The following CABIN1 variants were observed in gnomAD, a reference collection of about 807,000 sequenced individuals.
The protein encoded by CABIN1 is calcineurin-binding protein cabin-1.
Under a neutral mutation model 227.7 loss-of-function variants are expected in CABIN1, and 133 were observed. The observed-to-expected ratio is 0.58, with a 90% CI of 0.51 to 0.67. The LOEUF (loss-of-function observed/expected upper bound fraction) is 0.67. Ranked by LOEUF, CABIN1 falls within the 30% of genes least tolerant of loss-of-function variation. CABIN1 has a pLI of 0.00. For synonymous variants in CABIN1, 1,086 were observed against 1,155.1 expected (o/e 0.94, Z 1.21); for missense variants, 2,408 against 2,852.5 (o/e 0.84, Z 3.55).
At chr22:24,116,993 C>T (rs969698829) in intron 27 of CABIN1, among the ~76,000 whole-genome samples, 1 of 152,326 alleles carries the variant, frequency 6.6e-6, no homozygotes, top group East Asian at 1.9e-4. Flanking sequence ...CATCTTCACG[C>T]AGCTAGGGTT....
chr22:24,053,715 C>G (rs762376082), intron 8 of CABIN1, among the ~76,000 whole-genome samples: 4 of 152,084 alleles, frequency 2.6e-5, no homozygotes, highest in Non-Finnish European at 5.9e-5. Flanking sequence ...TCAACACTTC[C>G]TGGATGCTGG....
At chr22:24,046,006 C>T in intron 6 of CABIN1, among the ~76,000 whole-genome samples, 1 of 152,224 alleles carries the variant, frequency 6.6e-6, no homozygotes, top group Admixed American at 6.5e-5. Flanking sequence ...CCCCAGAAGG[C>T]AGGTTACTTT....
intron 15 of CABIN1, among the ~76,000 whole-genome samples, chr22:24,064,966 T>A (rs1335187702): frequency 6.6e-6 from 1 of 152,248 alleles, no homozygotes; most frequent in East Asian, 1.9e-4. Flanking sequence ...TTTCCCCACC[T>A]TTCCCCCTTT....
At chr22:24,127,015 G>A (rs1467374014) in intron 28 of CABIN1, among the ~76,000 whole-genome samples, 5 of 148,648 alleles carry the variant, frequency 3.4e-5, no homozygotes, top group Non-Finnish European at 7.4e-5. Context: ...AAAAAAAAAA[G>A]CTAAACTAAA....
chr22:24,018,081 C>A (rs888606509), intron 1 of CABIN1, among the ~76,000 whole-genome samples: 3 of 152,054 alleles, frequency 2.0e-5, no homozygotes, highest in Non-Finnish European at 4.4e-5. Context: ...TTTTGAACTC[C>A]TGGCCTCAAG....
At chr22:24,110,125 C>T (rs1313256056) in intron 26 of CABIN1, among the ~76,000 whole-genome samples, 4 of 152,152 alleles carry the variant, frequency 2.6e-5, no homozygotes, top group Non-Finnish European at 5.9e-5. Flanking sequence ...GAGCCAAGAT[C>T]GTGCAATTGC....
chr22:24,093,334 T>C (rs757871190), intron 24 of CABIN1, among the ~76,000 whole-genome samples: 6 of 152,082 alleles, frequency 3.9e-5, no homozygotes, highest in Non-Finnish European at 7.4e-5. Flanking sequence ...GTGGATCACC[T>C]GAGGTCAGGA....
chr22:24,121,591 T>C (rs1178997541), intron 28 of CABIN1, among the ~76,000 whole-genome samples: 1 of 152,220 alleles, frequency 6.6e-6, no homozygotes, highest in Non-Finnish European at 1.5e-5. Flanking sequence ...TGGGTCTTAA[T>C]AAACCCCAAC....
At chr22:24,159,157 G>A (rs1002335835) in intron 29 of CABIN1, among the ~76,000 whole-genome samples, 3 of 152,192 alleles carry the variant, frequency 2.0e-5, no homozygotes, top group African/African-American at 7.2e-5. Flanking sequence ...CTGCTCAAAG[G>A]CCTTGAGGTA....
chr22:24,029,104 A>C (rs1162560093), intron 1 of CABIN1, among the ~76,000 whole-genome samples: 1 of 152,224 alleles, frequency 6.6e-6, no homozygotes, highest in Non-Finnish European at 1.5e-5. Context: ...TACCTATAAC[A>C]GCACTTTGGG....
At chr22:24,064,396 G>A (rs1442057672) in intron 15 of CABIN1, among the ~76,000 whole-genome samples, 2 of 152,032 alleles carry the variant, frequency 1.3e-5, no homozygotes, top group African/African-American at 2.4e-5. Flanking sequence ...TAGTAGAGAC[G>A]GGGTTTCACC....
chr22:24,167,431 T>A, intron 32 of CABIN1, 118 bp downstream of exon 32: 1 of 808,224 alleles, frequency 1.2e-6, no homozygotes, highest in Non-Finnish European at 2.0e-6. Context: ...TAGGTGTTGT[T>A]CCCACACCAT....
chr22:24,154,339 C>T (rs1440747246), intron 29 of CABIN1, among the ~76,000 whole-genome samples: 4 of 152,228 alleles, frequency 2.6e-5, no homozygotes, highest in Non-Finnish European at 5.9e-5. Context: ...TGGAGCTAGT[C>T]GGGCCTTGGG....
At chr22:24,149,243 C>A (rs1335604329) in intron 29 of CABIN1, among the ~76,000 whole-genome samples, 1 of 152,246 alleles carries the variant, frequency 6.6e-6, no homozygotes, top group Non-Finnish European at 1.5e-5. Context: ...AGGCTCCAAT[C>A]CTGACCTGAG....
Position 24,054,870 on chromosome 22 carries a change from T to A in CABIN1, c.807-3T>A, listed in dbSNP as rs371742425. ...ATCAGGTGTTGTGGCCCTCTCCCTT[T>A]AGCTGGAAGTGCCTCGGAGAGAGCT... On this transcript the variant is annotated splice_polypyrimidine_tract_variant and splice_region_variant and intron_variant, in intron 8 of 36. Coordinates refer to ENST00000263119, the MANE Select transcript of CABIN1 (RefSeq NM_012295.4). 6.2e-7 allele frequency: 1 copy of A among 1,614,172 alleles called. No homozygotes were observed. The highest frequency in any genetic ancestry group is 8.5e-7 in the Non-Finnish European group (1 of 1,180,032).
At chr22:24,065,464 G>A (rs1459678693) in intron 15 of CABIN1, among the ~76,000 whole-genome samples, 7 of 151,244 alleles carry the variant, frequency 4.6e-5, no homozygotes, top group East Asian at 2.0e-4. Context: ...GGGCAGAGAC[G>A]CTCCTTACTT....
chr22:24,157,495 G>A (rs1204242597), intron 29 of CABIN1, among the ~76,000 whole-genome samples: 1 of 152,186 alleles, frequency 6.6e-6, no homozygotes, highest in Non-Finnish European at 1.5e-5. Context: ...TAGTTCAGCT[G>A]TAGTCTTGGC....
intron 31 of CABIN1, among the ~76,000 whole-genome samples, chr22:24,166,100 C>A (rs978773976): frequency 6.6e-6 from 1 of 152,214 alleles, no homozygotes; most frequent in Non-Finnish European, 1.5e-5. Context: ...GGACTGCCTC[C>A]AAAGCTTATG....
Position 24,033,083 on chromosome 22 carries a change from AACAAAAACAAAC to A in CABIN1, c.-74-2352_-74-2341del, listed in dbSNP as rs1327152810. Among the ~76,000 whole-genome samples, 25 of 152,340 alleles carry A rather than the reference AACAAAAACAAAC, an allele frequency of 1.6e-4. No homozygotes were observed. The Middle Eastern group carries it at 0.014, about 83-fold the overall frequency. ...ACAGGGAGAGACTCCGTCTCAAAGA[AACAAAAACAAAC>A]ACAAAAACTGCAGTTTCCAAACTTT... is the stretch of plus-strand genomic sequence containing the variant. On this transcript the variant is annotated intron_variant, in intron 1 of 36. Coordinates refer to ENST00000263119, the MANE Select transcript of CABIN1 (RefSeq NM_012295.4).
Sources: gnomAD v4.1 joint callset for allele counts (sites outside exome capture counted in the v4.1 genomes callset) on GRCh38, gnomAD v4.1.1 for gene constraint, MANE v1.5 for transcripts, NCBI Gene and HGNC (gene_info 2026-07-23, HGNC 2026-07-21) for gene names.